The following CCAR1 variants were observed in gnomAD, a reference collection of about 807,000 sequenced individuals.
CCAR1 encodes the protein cell division cycle and apoptosis regulator protein 1.
CCAR1 carries 78 observed loss-of-function variants against 163.8 expected under a neutral mutation model. The ratio of observed to expected loss-of-function variants is 0.48; its 90% confidence interval spans 0.40 to 0.57. The LOEUF is 0.57. Ranked by LOEUF, CCAR1 falls within the 20% of genes least tolerant of loss-of-function variation. The probability of loss-of-function intolerance (pLI) is 0.00; values close to 1 mark genes in which losing one functional copy is unlikely to be tolerated. For missense variants in CCAR1, 1,019 were observed against 1,365.2 expected (o/e 0.75, Z 4.00); for synonymous variants, 443 against 460.7 (o/e 0.96, Z 0.49).
At chr10:68,740,568 A>G in intron 4 of CCAR1, 61 bp from the exon 5 acceptor site, 1 of 1,236,626 alleles carries the variant, frequency 8.1e-7, no homozygotes, top group Non-Finnish European at 1.2e-6. Context: ...TTTATGAAGC[A>G]TCTATGAAGC....
At chr10:68,786,765 A>T (rs1163924389) in intron 21 of CCAR1, 73 bp downstream of exon 21, 12 of 1,289,686 alleles carry the variant, frequency 9.3e-6, no homozygotes, top group Non-Finnish European at 1.3e-5. Flanking sequence ...AGTTAATAGA[A>T]CCTCTGTTGA....
intron 2 of CCAR1, among the ~76,000 whole-genome samples, chr10:68,730,152 C>G (rs1033277759): frequency 2.6e-5 from 4 of 151,966 alleles, no homozygotes; most frequent in East Asian, 1.9e-4. Flanking sequence ...AAACTCCTAA[C>G]CCCCTGATCC....
At chr10:68,755,644 T>C in intron 13 of CCAR1, 108 bp downstream of exon 13, 1 of 844,234 alleles carries the variant, frequency 1.2e-6, no homozygotes, top group Non-Finnish European at 1.8e-6. Flanking sequence ...CCCTGGTCAA[T>C]GCAGGTAATC....
At chr10:68,728,658 G>T (rs1399498970) in intron 2 of CCAR1, among the ~76,000 whole-genome samples, 2 of 152,088 alleles carry the variant, frequency 1.3e-5, no homozygotes, top group Non-Finnish European at 2.9e-5. Flanking sequence ...TTTCCTTATA[G>T]AATAGCACTG....
chr10:68,745,199 G>A (rs1343376043), intron 6 of CCAR1, among the ~76,000 whole-genome samples: 4 of 151,872 alleles, frequency 2.6e-5, no homozygotes, highest in African/African-American at 4.8e-5. Flanking sequence ...GTAGAGACAG[G>A]GTTTCACCGT....
At chr10:68,748,295 G>T (rs1010557651) in intron 8 of CCAR1, among the ~76,000 whole-genome samples, 1 of 151,990 alleles carries the variant, frequency 6.6e-6, no homozygotes, top group Non-Finnish European at 1.5e-5. Context: ...AGCTACTCTG[G>T]AGGCTGAGAC....
At chr10:68,735,354 C>T (rs2056094642) in intron 2 of CCAR1, among the ~76,000 whole-genome samples, 1 of 144,158 alleles carries the variant, frequency 6.9e-6, no homozygotes, top group African/African-American at 2.6e-5. Flanking sequence ...GTCTCAAAAA[C>T]ACAAACCGTT....
At chr10:68,747,788 T>C (rs1589164375) in intron 8 of CCAR1, among the ~76,000 whole-genome samples, 1 of 152,200 alleles carries the variant, frequency 6.6e-6, no homozygotes, top group East Asian at 1.9e-4. Flanking sequence ...TCAAAACTAT[T>C]AAATTACTTA....
intron 2 of CCAR1, among the ~76,000 whole-genome samples, chr10:68,731,210 G>T (rs2056033425): frequency 6.6e-6 from 1 of 152,162 alleles, no homozygotes; most frequent in East Asian, 1.9e-4. Flanking sequence ...GTGTGTGAGG[G>T]AGATTAAATC....
chr10:68,737,522 G>A (rs1050020376), intron 3 of CCAR1, among the ~76,000 whole-genome samples: 3 of 148,884 alleles, frequency 2.0e-5, no homozygotes, highest in Admixed American at 1.3e-4. Flanking sequence ...AAAAAAAGTA[G>A]TTGAATAGTC....
intron 19 of CCAR1, among the ~76,000 whole-genome samples, chr10:68,776,588 CTG>C (rs2056670230): frequency 1.3e-5 from 2 of 152,122 alleles, no homozygotes; most frequent in African/African-American, 4.8e-5. Flanking sequence ...AAGATAAGGT[CTG>C]TCACCCAGGC....
intron 2 of CCAR1, among the ~76,000 whole-genome samples, chr10:68,724,787 A>G (rs1293193806): frequency 6.6e-6 from 1 of 152,112 alleles, no homozygotes; most frequent in Non-Finnish European, 1.5e-5. Flanking sequence ...AAAAAAGGTA[A>G]AGAAAAAGAA....
At chr10:68,725,320 C>T (rs533868723) in intron 2 of CCAR1, among the ~76,000 whole-genome samples, 29 of 152,008 alleles carry the variant, frequency 1.9e-4, no homozygotes, top group South Asian at 4.2e-4. Context: ...AAAAATTAGA[C>T]GGGCGTGGCA....
rs374807660 is a variant in CCAR1 at position 68,724,909 on chromosome 10, C to T, written c.73+2332C>T. 2.4e-4 allele frequency among the ~76,000 whole-genome samples: 37 copies of T among 152,156 alleles called. No individual in the cohort carries two copies. The South Asian group carries it at 7.3e-3, about 30-fold the overall frequency. Reference sequence around the variant, plus strand: ...ATCCCAGCACTTTGGGAGGCCAAGGCGGGCAGATCACCTGAGGTTGGGAGT... The same window carrying T: ...ATCCCAGCACTTTGGGAGGCCAAGGTGGGCAGATCACCTGAGGTTGGGAGT... On this transcript the variant is annotated intron_variant, in intron 2 of 24. Transcript: ENST00000265872.
In CCAR1 at chr10:68,756,572, C is replaced by CA; in HGVS notation, c.1836+90dup. On this transcript the variant is annotated intron_variant, in intron 14 of 24. Coordinates refer to ENST00000265872, the MANE Select transcript of CCAR1 (RefSeq NM_018237.4). This position sits in a 1 kb window ranked among gnomAD's most constrained non-coding sequence, Gnocchi z 5.1. ...TGCACACCACACACTACATAATAAACACACATGGAGGAACATAACTGGTAA... is the reference window on the plus strand; with the variant it reads ...TGCACACCACACACTACATAATAAACAACACATGGAGGAACATAACTGGTAA... The CA allele has an allele frequency of 9.8e-7, 1 of 1,018,158 alleles. No homozygotes were observed. Among genetic ancestry groups the CA allele is most frequent in the Non-Finnish European group, 1.5e-6 (1 of 663,266 alleles). The allele number at this position is 1,018,158 out of a possible 1,614,324, so 63.1% of individuals were successfully genotyped here.
intron 15 of CCAR1, among the ~76,000 whole-genome samples, chr10:68,758,891 T>TGAACTCCTGACCTCAATTGATCCACC (rs2056434361): frequency 6.6e-6 from 1 of 151,762 alleles, no homozygotes; most frequent in Non-Finnish European, 1.5e-5. Flanking sequence ...CAGGCTGGTC[T>TGAACTCCTGACCTCAATTGATCCACC]GAACTCCTGA....
At chr10:68,740,383 TAACTG>T (rs2056167353) in intron 4 of CCAR1, among the ~76,000 whole-genome samples, 1 of 152,170 alleles carries the variant, frequency 6.6e-6, no homozygotes, top group African/African-American at 2.4e-5. Context: ...TTTCTTAAGA[TAACTG>T]GGCTGGGTGC....
chr10:68,777,253 T>C (rs2056677810), intron 19 of CCAR1, among the ~76,000 whole-genome samples: 1 of 152,214 alleles, frequency 6.6e-6, no homozygotes, highest in Non-Finnish European at 1.5e-5. Context: ...CTAACCTGTT[T>C]ACGTGTTTCC....
chr10:68,751,788 C>T (rs928379140), intron 10 of CCAR1, among the ~76,000 whole-genome samples: 4 of 151,602 alleles, frequency 2.6e-5, no homozygotes, highest in Non-Finnish European at 4.4e-5. Flanking sequence ...CGCTTGAACC[C>T]GGGAGGCAGA....
Sources: gnomAD v4.1 joint callset for allele counts (sites outside exome capture counted in the v4.1 genomes callset) on GRCh38, gnomAD v4.1.1 for gene constraint, Gnocchi (gnomAD v3.1) non-coding constraint, MANE v1.5 for transcripts, NCBI Gene and HGNC (gene_info 2026-07-23, HGNC 2026-07-21) for gene names.